GNA14: variants seen among roughly 807,000 people sequenced by gnomAD.
GNA14 encodes the protein G protein subunit alpha 14.
In GNA14, 50 loss-of-function variants were observed where a neutral mutation model predicts 42.0. The observed-to-expected ratio is 1.19, with a 90% confidence interval of 0.95 to 1.51. GNA14 has a LOEUF of 1.51. GNA14 is among the 40% of genes most tolerant of loss of function. The probability of loss-of-function intolerance (pLI) is 0.00; values close to 1 mark genes in which losing one functional copy is unlikely to be tolerated. For missense variants in GNA14, 473 were observed against 446.2 expected (o/e 1.06, Z -0.54); for synonymous variants, 173 against 163.1 (o/e 1.06, Z -0.46).
Position 77,588,980 on chromosome 9 carries a change from G to A in GNA14, c.124+58690C>T, listed in dbSNP as rs557097697. On this transcript the variant is annotated intron_variant, in intron 1 of 6. Coordinates refer to ENST00000341700, the MANE Select transcript of GNA14 (RefSeq NM_004297.4). ...TTTTTAAAAGCCATGGGCCAGCACAGCTAAAAAGAACTGTTTGTTTGCTTT... is the reference window on the plus strand; with the variant it reads ...TTTTTAAAAGCCATGGGCCAGCACAACTAAAAAGAACTGTTTGTTTGCTTT... Among the ~76,000 whole-genome samples the A allele has an allele frequency of 3.9e-5, 6 of 152,340 alleles. No homozygotes were observed. The South Asian group carries it at 1.0e-3, about 26-fold the overall frequency.
intron 1 of GNA14, among the ~76,000 whole-genome samples, chr9:77,631,888 G>C (rs1380509281): frequency 1.3e-5 from 2 of 152,156 alleles, no homozygotes; most frequent in Non-Finnish European, 2.9e-5. Flanking sequence ...GCTGGTAAGA[G>C]GCAGGCACAA....
At chr9:77,522,830 C>G (rs12348395) in intron 2 of GNA14, among the ~76,000 whole-genome samples, 53 of 152,260 alleles carry the variant, frequency 3.5e-4, no homozygotes, top group African/African-American at 1.2e-3. Flanking sequence ...GCCTGATAAA[C>G]CCAGCAGTAG....
At chr9:77,564,367 T>A (rs1191223587) in intron 1 of GNA14, among the ~76,000 whole-genome samples, 1 of 151,562 alleles carries the variant, frequency 6.6e-6, no homozygotes, top group East Asian at 1.9e-4. Context: ...GAGTGCAGTG[T>A]CAGGCTGCAT....
In GNA14 at chr9:77,647,758, C is replaced by T. The variant is rs757124524; in HGVS notation, c.36G>A (p.Lys12=). ...AGCCCLSAEE[K]ESQRISAEIE... ...TCTCCGCGCTGATGCGCTGCGACTC[C>T]TTCTCCTCCGCGGACAGGCAGCAGC... The change falls in exon 1 of 7, where the codon AAG becomes AAA. Residue 12 remains lysine, a synonymous_variant. Transcript: ENST00000341700. 2.5e-6 allele frequency: 4 copies of T among 1,610,358 alleles called. No homozygotes were observed. The South Asian group carries it at 3.3e-5, about 13-fold the overall frequency.
intron 1 of GNA14, among the ~76,000 whole-genome samples, chr9:77,607,326 T>G (rs898454904): frequency 6.6e-6 from 1 of 152,122 alleles, no homozygotes; most frequent in African/African-American, 2.4e-5. Flanking sequence ...GAATAAGTGA[T>G]TGCTGATGAA....
intron 1 of GNA14, among the ~76,000 whole-genome samples, chr9:77,641,877 C>T (rs985691829): frequency 2.6e-5 from 4 of 152,116 alleles, no homozygotes; most frequent in Non-Finnish European, 5.9e-5. Context: ...TAGAAAAACA[C>T]GCTTAAGAGT....
chr9:77,482,402 G>A (rs2131729581), intron 2 of GNA14, among the ~76,000 whole-genome samples: 1 of 152,308 alleles, frequency 6.6e-6, no homozygotes, highest in Non-Finnish European at 1.5e-5. Flanking sequence ...CTTCTGGCTT[G>A]TAGAGTTTCT....
At chr9:77,448,743 G>C (rs559745675) in intron 2 of GNA14, among the ~76,000 whole-genome samples, 19 of 152,312 alleles carry the variant, frequency 1.2e-4, no homozygotes, top group South Asian at 4.1e-4. Context: ...ATTCGAGGTA[G>C]ACGTATGCAA....
intron 2 of GNA14, among the ~76,000 whole-genome samples, chr9:77,489,388 T>G (rs140210850): frequency 1.2e-3 from 181 of 152,098 alleles, no homozygotes; most frequent in African/African-American, 4.1e-3. Flanking sequence ...ACTCCAAAAC[T>G]TGAGAAAGAG....
intron 1 of GNA14, among the ~76,000 whole-genome samples, chr9:77,643,335 G>A (rs1271916072): frequency 6.6e-6 from 1 of 151,560 alleles, no homozygotes; most frequent in East Asian, 1.9e-4. Context: ...CACCTCCCAG[G>A]TTCAAGCGAT....
At chr9:77,635,188 G>C (rs1254832765) in intron 1 of GNA14, 1 of 151,946 alleles carries the variant, frequency 6.6e-6, no homozygotes, top group Admixed American at 6.6e-5. Context: ...CATTTTCCCT[G>C]AGTCCCAAAA....
chr9:77,537,518 T>C (rs1438412233), intron 1 of GNA14, among the ~76,000 whole-genome samples: 2 of 152,244 alleles, frequency 1.3e-5, no homozygotes, highest in Non-Finnish European at 2.9e-5. Flanking sequence ...ATCTTTGCTA[T>C]TGTGAATAGG....
chr9:77,636,438 A>T (rs1824185957), intron 1 of GNA14, among the ~76,000 whole-genome samples: 2 of 152,242 alleles, frequency 1.3e-5, no homozygotes, highest in Non-Finnish European at 2.9e-5. Flanking sequence ...TTTGGATGGA[A>T]ATATCAGCCA....
At chr9:77,448,663 C>T (rs878975338) in intron 2 of GNA14, among the ~76,000 whole-genome samples, 5 of 152,064 alleles carry the variant, frequency 3.3e-5, no homozygotes, top group African/African-American at 4.8e-5. Flanking sequence ...CTGCTGCAGC[C>T]GTAATTCCTA....
At chr9:77,645,866 T>C (rs1370896971) in intron 1 of GNA14, among the ~76,000 whole-genome samples, 5 of 152,108 alleles carry the variant, frequency 3.3e-5, no homozygotes, top group Non-Finnish European at 5.9e-5. Flanking sequence ...TGAAATAGGG[T>C]TCAGCCTGCC....
At chr9:77,517,492 G>A (rs1489812066) in intron 2 of GNA14, 1 of 151,204 alleles carries the variant, frequency 6.6e-6, no homozygotes. Context: ...GGGTGAGGAC[G>A]CACCTGGAAG....
chr9:77,427,324 TAAA>T (rs10710907), intron 5 of GNA14, among the ~76,000 whole-genome samples: 3,176 of 146,960 alleles, frequency 0.022, 65 homozygotes, highest in African/African-American at 0.056. Flanking sequence ...GTCTTGCCTT[TAAA>T]AAAAAAAAAA....
intron 1 of GNA14, among the ~76,000 whole-genome samples, chr9:77,601,827 G>A (rs1823571122): frequency 6.6e-6 from 1 of 152,170 alleles, no homozygotes; most frequent in African/African-American, 2.4e-5. Context: ...GGATGATACT[G>A]TTTGTCTCTT....
At chr9:77,538,883 A>G (rs996115130) in intron 1 of GNA14, among the ~76,000 whole-genome samples, 4 of 152,314 alleles carry the variant, frequency 2.6e-5, no homozygotes, top group African/African-American at 9.6e-5. Context: ...AGATTATAAC[A>G]TTTCAAATGT....
Sources: gnomAD v4.1 joint callset for allele counts (sites outside exome capture counted in the v4.1 genomes callset) on GRCh38, gnomAD v4.1.1 for gene constraint, MANE v1.5 for transcripts, NCBI Gene and HGNC (gene_info 2026-07-23, HGNC 2026-07-21) for gene names.